RALYL: variants seen among roughly 807,000 people sequenced by gnomAD.
The protein encoded by RALYL is RNA-binding Raly-like protein.
A neutral mutation model predicts 35.1 loss-of-function variants in RALYL; 29 were observed. The observed-to-expected ratio is 0.83, with a 90% CI of 0.61 to 1.13. The LOEUF is 1.13. Among genes scored for constraint, RALYL ranks in the 50% most tolerant of loss-of-function variants. The pLI is 0.00. For missense variants in RALYL, 359 were observed against 360.4 expected, an observed-to-expected ratio of 1.00 and a Z score of 0.03; for synonymous variants, 120 against 127.6, an observed-to-expected ratio of 0.94 and a Z score of 0.40.
intron 8 of RALYL, among the ~76,000 whole-genome samples, chr8:84,916,232 T>C (rs1369240157): frequency 6.6e-6 from 1 of 152,196 alleles, no homozygotes; most frequent in Non-Finnish European, 1.5e-5. Context: ...CATGTTTTAC[T>C]TTAGTTTATA....
intron 1 of RALYL, among the ~76,000 whole-genome samples, chr8:84,271,458 G>A (rs1193836378): frequency 2.7e-5 from 4 of 146,250 alleles, no homozygotes; most frequent in Non-Finnish European, 1.5e-5. Flanking sequence ...AGCCACTTTA[G>A]AAAATAGTTG....
At chr8:84,903,634 T>C (rs1445318727) in intron 8 of RALYL, among the ~76,000 whole-genome samples, 1 of 152,122 alleles carries the variant, frequency 6.6e-6, no homozygotes, top group Non-Finnish European at 1.5e-5. Context: ...ATCAGTAACA[T>C]AGGGTTCTTA....
chr8:84,598,863 G>A (rs879121522), intron 2 of RALYL, among the ~76,000 whole-genome samples: 1 of 151,952 alleles, frequency 6.6e-6, no homozygotes, highest in East Asian at 1.9e-4. Context: ...TGGTATTTCT[G>A]TTTCTAGTTT....
intron 1 of RALYL, among the ~76,000 whole-genome samples, chr8:84,523,784 C>A (rs986162099): frequency 6.6e-6 from 1 of 150,908 alleles, no homozygotes. Context: ...TTTGTTCTTG[C>A]GATAGTTTAC....
At position 84,546,798 on chromosome 8, in the gene RALYL, G is replaced by T. The variant is rs534199883; in HGVS notation, c.256+17221G>T. Among the ~76,000 whole-genome samples the T allele has an allele frequency of 1.2e-4, 19 of 152,226 alleles. No individual in the cohort carries two copies. In the South Asian group the frequency reaches 3.9e-3, roughly 32 times the overall value. On this transcript the variant is annotated intron_variant, in intron 2 of 8. Coordinates refer to ENST00000521268, the MANE Select transcript of RALYL (RefSeq NM_173848.7). ...TAACCAAGTGTATCTAGGGATTTTA[G>T]GGGTGGGTAGGGCTCTTGAATGACT...
At chr8:84,396,920 TC>T (rs377733878) in intron 1 of RALYL, among the ~76,000 whole-genome samples, 2,418 of 151,782 alleles carry the variant, frequency 0.016, 61 homozygotes, top group African/African-American at 0.055. Context: ...TCATAGAATA[TC>T]CCCCCCGCCC....
intron 1 of RALYL, among the ~76,000 whole-genome samples, chr8:84,452,364 T>A (rs1294902219): frequency 1.3e-5 from 2 of 151,914 alleles, no homozygotes; most frequent in Admixed American, 1.3e-4. Flanking sequence ...CTATTTATAT[T>A]CTAAAATAAA....
chr8:84,343,270 G>A (rs1446968827), intron 1 of RALYL, among the ~76,000 whole-genome samples: 1 of 152,046 alleles, frequency 6.6e-6, no homozygotes, highest in Non-Finnish European at 1.5e-5. Context: ...TACAATTCAT[G>A]GGACTTTTGC....
intron 3 of RALYL, among the ~76,000 whole-genome samples, chr8:84,803,494 T>A (rs1379738622): frequency 6.6e-6 from 1 of 152,198 alleles, no homozygotes; most frequent in African/African-American, 2.4e-5. Context: ...TTAATGTACC[T>A]ACAGTTAGAG....
chr8:84,549,274 C>G (rs2060560595), intron 2 of RALYL, among the ~76,000 whole-genome samples: 1 of 152,102 alleles, frequency 6.6e-6, no homozygotes, highest in South Asian at 2.1e-4. Context: ...AACAGTCAAC[C>G]CTTTAATCAC....
At chr8:84,671,268 G>C (rs1364605508) in intron 2 of RALYL, among the ~76,000 whole-genome samples, 2 of 152,122 alleles carry the variant, frequency 1.3e-5, no homozygotes, top group African/African-American at 4.8e-5. Context: ...AGCCCTCCCT[G>C]CTGGCTGCTG....
intron 1 of RALYL, among the ~76,000 whole-genome samples, chr8:84,282,987 C>T (rs184829835): frequency 6.6e-6 from 1 of 151,684 alleles, no homozygotes. Flanking sequence ...TAAGATAATC[C>T]ACATGGAAAT....
At chr8:84,799,790 A>G (rs934435704) in intron 3 of RALYL, among the ~76,000 whole-genome samples, 1 of 152,152 alleles carries the variant, frequency 6.6e-6, no homozygotes, top group African/African-American at 2.4e-5. Context: ...CCCCGTCTCT[A>G]CTAAAAATAC....
At chr8:84,782,772 C>A (rs557293098) in intron 3 of RALYL, among the ~76,000 whole-genome samples, 51 of 152,316 alleles carry the variant, frequency 3.3e-4, no homozygotes, top group African/African-American at 1.2e-3. Context: ...TGCGCAAGTG[C>A]TCCCTGCCTG....
chr8:84,337,998 A>G (rs4504634), intron 1 of RALYL, among the ~76,000 whole-genome samples: 58,260 of 151,782 alleles, frequency 0.38, 11,805 homozygotes, highest in East Asian at 0.51. Flanking sequence ...AATTAGCTCA[A>G]AGGAAAAACT....
chr8:84,522,678 G>A lies in RALYL; in HGVS notation c.-23-6621G>A, dbSNP rs540085651. Among the ~76,000 whole-genome samples the A allele has an allele frequency of 5.3e-5, 8 of 152,182 alleles. No homozygotes were observed. The East Asian group carries it at 7.7e-4, about 15-fold the overall frequency. On this transcript the variant is annotated intron_variant, in intron 1 of 8. Coordinates refer to ENST00000521268, the MANE Select transcript of RALYL (RefSeq NM_173848.7). ...GTGACAACTTTAGTTTGTATTTATT[G>A]CAGCATTTTCCATGGTTTATCTTAA...
At chr8:84,471,518 C>T (rs1033400859) in intron 1 of RALYL, among the ~76,000 whole-genome samples, 1 of 151,954 alleles carries the variant, frequency 6.6e-6, no homozygotes, top group Admixed American at 6.6e-5. Context: ...GGCTTGAGCC[C>T]AGGAGTTTGA....
intron 1 of RALYL, among the ~76,000 whole-genome samples, chr8:84,320,205 A>G (rs1415468334): frequency 6.6e-6 from 1 of 152,088 alleles, no homozygotes; most frequent in Non-Finnish European, 1.5e-5. Context: ...CATGAAGCAT[A>G]TAATAACAAC....
intron 1 of RALYL, among the ~76,000 whole-genome samples, chr8:84,249,875 G>GTTT (rs35180639): frequency 2.7e-5 from 4 of 148,854 alleles, no homozygotes; most frequent in Non-Finnish European, 6.0e-5. Flanking sequence ...GAGTTCAAAG[G>GTTT]TTTTTTTTTT....
Sources: allele counts gnomAD v4.1 joint callset (sites outside exome capture counted in the v4.1 genomes callset), GRCh38; gene constraint gnomAD v4.1.1; transcripts MANE v1.5; gene names NCBI Gene and HGNC (gene_info 2026-07-23, HGNC 2026-07-21).